SMPD4: variants seen among roughly 807,000 people sequenced by gnomAD.
SMPD4 encodes the protein neutral sphingomyelinase 3.
Under a neutral mutation model 97.8 loss-of-function variants are expected in SMPD4, and 58 were observed. The observed-to-expected ratio is 0.59, with a 90% CI of 0.48 to 0.74. The LOEUF is 0.74. Ranked by LOEUF, SMPD4 falls within the 30% of genes least tolerant of loss-of-function variation. The pLI is 0.00. For missense variants in SMPD4, 853 were observed against 1,080.5 expected (o/e 0.79, Z 2.95); for synonymous variants, 388 against 450.0 (o/e 0.86, Z 1.74).
At chr2:130,160,126 C>T (rs1431257838) in intron 11 of SMPD4, among the ~76,000 whole-genome samples, 2 of 152,130 alleles carry the variant, frequency 1.3e-5, no homozygotes, top group Non-Finnish European at 2.9e-5. Flanking sequence ...CTGAGACTCA[C>T]AGCACCTCAG....
intron 2 of SMPD4, among the ~76,000 whole-genome samples, chr2:130,175,465 C>T (rs1259393341): frequency 1.3e-5 from 2 of 151,520 alleles, no homozygotes; most frequent in Non-Finnish European, 1.5e-5. Context: ...AACAACATCA[C>T]GGCTATGGCA....
At chr2:130,178,568 G>A (rs1689186265) in intron 1 of SMPD4, among the ~76,000 whole-genome samples, 1 of 152,228 alleles carries the variant, frequency 6.6e-6, no homozygotes. Flanking sequence ...GCCGCGGTGG[G>A]CAGATCACTT....
chr2:130,163,139 G>GGCCAC (rs909027476), intron 10 of SMPD4, among the ~76,000 whole-genome samples: 19 of 152,376 alleles, frequency 1.2e-4, no homozygotes, highest in East Asian at 1.2e-3. Flanking sequence ...GCCCCTGCCA[G>GGCCAC]GCCACGCCAC....
intron 5 of SMPD4, 65 bp from the exon 6 acceptor site, chr2:130,172,960 C>T (rs1688620531): frequency 6.5e-7 from 1 of 1,549,436 alleles, no homozygotes; most frequent in Admixed American, 2.0e-5. Flanking sequence ...ACGCAGTACC[C>T]CACATGCACA....
intron 3 of SMPD4, 68 bp downstream of exon 3, chr2:130,174,846 A>T: frequency 8.3e-7 from 1 of 1,211,210 alleles, no homozygotes; most frequent in Non-Finnish European, 1.2e-6. Context: ...GGAAATTAGG[A>T]ATTATAATAA....
At chr2:130,177,496 A>C (rs1689081569) in intron 1 of SMPD4, among the ~76,000 whole-genome samples, 1 of 151,988 alleles carries the variant, frequency 6.6e-6, no homozygotes, top group South Asian at 2.1e-4. Flanking sequence ...TCAGGAGTTC[A>C]AGACCAGCCT....
At chr2:130,163,457 C>T (rs911221101) in intron 10 of SMPD4, among the ~76,000 whole-genome samples, 1 of 152,244 alleles carries the variant, frequency 6.6e-6, no homozygotes, top group African/African-American at 2.4e-5. Context: ...ACCCACAGCT[C>T]TTTGCCAGAA....
At chr2:130,162,351 G>C (rs1687511859) in intron 10 of SMPD4, among the ~76,000 whole-genome samples, 1 of 152,254 alleles carries the variant, frequency 6.6e-6, no homozygotes, top group African/African-American at 2.4e-5. Context: ...TCCTGCCCAA[G>C]CAGCACACCC....
intron 2 of SMPD4, among the ~76,000 whole-genome samples, chr2:130,176,022 T>TA: frequency 6.6e-6 from 1 of 152,184 alleles, no homozygotes; most frequent in Middle Eastern, 3.4e-3. Flanking sequence ...GAGTCTTTAC[T>TA]ATGTTGCCCA....
chr2:130,174,851 T>C (rs1415503997), intron 3 of SMPD4, 63 bp downstream of exon 3: 14 of 1,265,064 alleles, frequency 1.1e-5, no homozygotes, highest in Admixed American at 1.7e-5. Context: ...TTAGGAATTA[T>C]AATAAAGTTC....
chr2:130,157,193 C>T, intron 12 of SMPD4, 58 bp downstream of exon 12: 10 of 1,551,196 alleles, frequency 6.4e-6, no homozygotes, highest in Non-Finnish European at 8.7e-6. Context: ...GTGGGCGACA[C>T]CTTAGGAGGG....
intron 12 of SMPD4, chr2:130,156,919 G>T: frequency 9.0e-7 from 1 of 1,114,646 alleles, no homozygotes; most frequent in Non-Finnish European, 1.3e-6. Context: ...CTCACCCTCC[G>T]TCCCATACAA....
Position 130,155,148 on chromosome 2 carries a change from G to C in SMPD4, c.1401C>G (p.Phe467Leu), listed in dbSNP as rs1241500244. The C allele has an allele frequency of 5.6e-6, 9 of 1,614,080 alleles. No individual in the cohort carries two copies. Among genetic ancestry groups the C allele is most frequent in the South Asian group, 1.1e-5 (1 of 91,090 alleles). ...GCTGGGCAAAGACTTTGGCCACTCG[G>C]AACACCATGAGCGCGTGCTTGGGGC... ...LVSPKHALMV[F>L]RVAKVFAQPN... Residue 467 changes from phenylalanine (F) to leucine (L), a missense_variant, in exon 15 of 20, where the codon TTC becomes TTG. Physicochemically the swap from Phe to Leu is conservative, Grantham distance 22. Transcript: ENST00000680298.
At chr2:130,160,199 A>T (rs1558747535) in intron 11 of SMPD4, among the ~76,000 whole-genome samples, 1 of 152,024 alleles carries the variant, frequency 6.6e-6, no homozygotes, top group Non-Finnish European at 1.5e-5. Context: ...TGCTTTCTGG[A>T]CCACTGTCCT....
At chr2:130,164,684 A>C (rs1308270220) in intron 9 of SMPD4, among the ~76,000 whole-genome samples, 1 of 152,234 alleles carries the variant, frequency 6.6e-6, no homozygotes, top group African/African-American at 2.4e-5. Context: ...AAAACTTCAT[A>C]ACACTAGATT....
At position 130,152,901 on chromosome 2, in the gene SMPD4, G is replaced by A. The variant is rs368415386; in HGVS notation, c.2155-17C>T. On this transcript the variant is annotated splice_polypyrimidine_tract_variant and intron_variant, in intron 19 of 19. Coordinates refer to ENST00000680298, the MANE Select transcript of SMPD4 (RefSeq NM_017951.5). ...TCCTGCAAACTGAAGCACAGACAGA[G>A]GCACGGGGATGTGGGGTGGTGGCAC... is the stretch of plus-strand genomic sequence containing the variant. 3.2e-6 allele frequency: 5 copies of A among 1,570,700 alleles called. No individual in the cohort carries two copies. In the African/African-American group the frequency reaches 6.8e-5, roughly 21 times the overall value.
chr2:130,155,902 G>A (rs1233598067), intron 14 of SMPD4, 133 bp downstream of exon 14: 2 of 783,248 alleles, frequency 2.6e-6, no homozygotes, highest in Non-Finnish European at 4.2e-6. Flanking sequence ...GGGGCTGGGA[G>A]AGGACTTCAG....
chr2:130,155,699 C>G (rs1480742538), intron 14 of SMPD4, among the ~76,000 whole-genome samples: 3 of 152,032 alleles, frequency 2.0e-5, no homozygotes, highest in Non-Finnish European at 4.4e-5. Context: ...CCCTCATCCC[C>G]TGCTTGATCA....
intron 1 of SMPD4, 163 bp downstream of exon 1, chr2:130,181,367 A>G (rs1273683849): frequency 1.4e-6 from 2 of 1,442,758 alleles, no homozygotes; most frequent in East Asian, 2.5e-5. Flanking sequence ...GTGGCAGAAG[A>G]CTCAACCGGG....
Sources: allele counts gnomAD v4.1 joint callset (sites outside exome capture counted in the v4.1 genomes callset), GRCh38; gene constraint gnomAD v4.1.1; transcripts MANE v1.5; gene names NCBI Gene and HGNC (gene_info 2026-07-23, HGNC 2026-07-21).